OPCML: variants seen among roughly 807,000 people sequenced by gnomAD.
OPCML encodes opioid-binding protein/cell adhesion molecule.
Under a neutral mutation model 37.8 loss-of-function variants are expected in OPCML, and 13 were observed. The ratio of observed to expected loss-of-function variants is 0.34; its 90% CI spans 0.22 to 0.55. The LOEUF (loss-of-function observed/expected upper bound fraction) is 0.55, where lower values mean the gene tolerates loss of function less well. Among genes scored for constraint, OPCML ranks in the 20% least tolerant of loss-of-function variants. The probability of loss-of-function intolerance (pLI) is 0.91; values close to 1 mark genes in which losing one functional copy is unlikely to be tolerated. For missense variants in OPCML, 341 were observed against 435.6 expected (o/e 0.78, Z 1.93); for synonymous variants, 176 against 168.8 (o/e 1.04, Z -0.33).
chr11:132,732,840 G>T (rs3018404), intron 2 of OPCML, among the ~76,000 whole-genome samples: 92,497 of 151,990 alleles, frequency 0.61, 28,546 homozygotes, highest in Admixed American at 0.64. Flanking sequence ...GATTAATGGT[G>T]ACCACTACGG....
At chr11:132,589,976 A>C (rs987362497) in intron 3 of OPCML, among the ~76,000 whole-genome samples, 5 of 152,164 alleles carry the variant, frequency 3.3e-5, no homozygotes, top group Admixed American at 1.3e-4. Context: ...TCCTTGGCTC[A>C]TGCTTTGGCC....
chr11:132,551,316 G>A (rs141222298), intron 3 of OPCML, among the ~76,000 whole-genome samples: 272 of 152,304 alleles, frequency 1.8e-3, no homozygotes, highest in Admixed American at 4.8e-3. Flanking sequence ...AACTCCATCT[G>A]GCTTCTAACC....
rs115652627 is a variant in OPCML, at chr11:133,383,562, C to A, written c.61+148702G>T. 5.5e-3 allele frequency among the ~76,000 whole-genome samples: 830 copies of A among 152,270 alleles called. 7 individuals carry two copies. Among genetic ancestry groups the A allele is most frequent in the African/African-American group, 0.019 (803 of 41,554 alleles). On this transcript the variant is annotated intron_variant, in intron 1 of 7. Coordinates refer to ENST00000524381, the MANE Select transcript of OPCML (RefSeq NM_001012393.5). ...CTCTGTATCATACACAGTGCCCATC[C>A]TATTATTGAAATTCAGTAAATATTT...
At chr11:132,515,741 A>G (rs1277093973) in intron 4 of OPCML, among the ~76,000 whole-genome samples, 1 of 152,144 alleles carries the variant, frequency 6.6e-6, no homozygotes, top group African/African-American at 2.4e-5. Context: ...TACTACCTTT[A>G]AACTGGGGAG....
chr11:132,700,224 C>T (rs951383799), intron 2 of OPCML, among the ~76,000 whole-genome samples: 1 of 151,702 alleles, frequency 6.6e-6, no homozygotes, highest in African/African-American at 2.4e-5. Context: ...AGGTTAGTCA[C>T]TCTTGTTTGT....
chr11:132,625,211 T>C (rs1175340437), intron 3 of OPCML, among the ~76,000 whole-genome samples: 24 of 152,112 alleles, frequency 1.6e-4, no homozygotes, highest in Admixed American at 1.6e-3. Context: ...CTGCCTCACC[T>C]CCCTCCACTC....
intron 1 of OPCML, among the ~76,000 whole-genome samples, chr11:133,012,650 T>C (rs1276714528): frequency 6.6e-6 from 1 of 151,936 alleles, no homozygotes; most frequent in Admixed American, 6.6e-5. Context: ...CCGAGGTGGG[T>C]GGATCACCTG....
At chr11:133,380,646 T>C (rs11223460) in intron 1 of OPCML, among the ~76,000 whole-genome samples, 103,590 of 152,044 alleles carry the variant, frequency 0.68, 35,771 homozygotes, top group East Asian at 0.88. Context: ...CCCATATCTC[T>C]TTAAATATTT....
chr11:132,589,490 T>C (rs1194471135), intron 3 of OPCML, among the ~76,000 whole-genome samples: 1 of 152,230 alleles, frequency 6.6e-6, no homozygotes, highest in African/African-American at 2.4e-5. Context: ...AGTGAATGAA[T>C]AGAAACTTTC....
At chr11:133,385,905 A>C (rs1945036583) in intron 1 of OPCML, among the ~76,000 whole-genome samples, 1 of 151,850 alleles carries the variant, frequency 6.6e-6, no homozygotes, top group Non-Finnish European at 1.5e-5. Flanking sequence ...AGAAATCCAG[A>C]TGTTTTCTCT....
At chr11:132,781,133 G>A (rs1367561924) in intron 2 of OPCML, among the ~76,000 whole-genome samples, 1 of 152,142 alleles carries the variant, frequency 6.6e-6, no homozygotes, top group Non-Finnish European at 1.5e-5. Context: ...TGAATTTCAT[G>A]TGTCAAGCTA....
chr11:132,758,686 T>TA (rs1324568880), intron 2 of OPCML, among the ~76,000 whole-genome samples: 1 of 152,216 alleles, frequency 6.6e-6, no homozygotes, highest in Admixed American at 6.5e-5. Flanking sequence ...CTTATCAGCT[T>TA]AAGGAGTTTT....
At chr11:133,202,919 C>T (rs1938862360) in intron 1 of OPCML, among the ~76,000 whole-genome samples, 1 of 152,212 alleles carries the variant, frequency 6.6e-6, no homozygotes, top group African/African-American at 2.4e-5. Context: ...GCAGTGTGAT[C>T]CTGACCCATA....
intron 1 of OPCML, among the ~76,000 whole-genome samples, chr11:133,186,229 T>C (rs1330911795): frequency 6.6e-6 from 1 of 151,858 alleles, no homozygotes; most frequent in Non-Finnish European, 1.5e-5. Context: ...CTGTGGGCTA[T>C]GCCTGTAAGC....
In OPCML at chr11:133,524,844, G is replaced by A. The variant is rs148097974; in HGVS notation, c.61+7420C>T. On this transcript the variant is annotated intron_variant, in intron 1 of 7. Transcript: ENST00000524381. ...CTTGCCCTCATTCTGCAGGGGACAAGCTGCTGGGCAGGCCAAACTGGGGGC... is the reference window on the plus strand; with the variant it reads ...CTTGCCCTCATTCTGCAGGGGACAAACTGCTGGGCAGGCCAAACTGGGGGC... Among the ~76,000 whole-genome samples the A allele has an allele frequency of 3.8e-3, 586 of 152,378 alleles. 2 individuals carry two copies. Among genetic ancestry groups the A allele is most frequent in the Middle Eastern group, 0.02 (6 of 294 alleles).
intron 3 of OPCML, among the ~76,000 whole-genome samples, chr11:132,591,914 T>C (rs2096485062): frequency 2.6e-5 from 4 of 152,184 alleles, no homozygotes; most frequent in Admixed American, 2.6e-4. Flanking sequence ...GGGATAAAGC[T>C]GTGCCCAGTT....
chr11:133,036,486 C>G (rs896324724), intron 1 of OPCML, among the ~76,000 whole-genome samples: 1 of 152,158 alleles, frequency 6.6e-6, no homozygotes, highest in Non-Finnish European at 1.5e-5. Flanking sequence ...CCTCCTTAAC[C>G]CACATTCAAT....
At chr11:132,520,265 A>G (rs1405453344) in intron 4 of OPCML, among the ~76,000 whole-genome samples, 1 of 152,220 alleles carries the variant, frequency 6.6e-6, no homozygotes, top group Non-Finnish European at 1.5e-5. Context: ...CCATCTTTGT[A>G]TAATATAAAG....
chr11:133,454,501 G>A, intron 1 of OPCML, among the ~76,000 whole-genome samples: 1 of 152,158 alleles, frequency 6.6e-6, no homozygotes, highest in East Asian at 1.9e-4. Flanking sequence ...CATTGATTCT[G>A]TGCTGTAAAA....
Sources: gnomAD v4.1 joint callset for allele counts (sites outside exome capture counted in the v4.1 genomes callset) on GRCh38, gnomAD v4.1.1 for gene constraint, MANE v1.5 for transcripts, NCBI Gene and HGNC (gene_info 2026-07-23, HGNC 2026-07-21) for gene names.